The following EDC4 variants were observed in gnomAD, a reference collection of about 807,000 sequenced individuals.
The protein encoded by EDC4 is enhancer of mRNA decapping 4.
In EDC4, 64 loss-of-function variants were observed where a neutral mutation model predicts 155.8. The observed-to-expected ratio is 0.41, with a 90% CI of 0.34 to 0.51. The LOEUF is 0.51. Among genes scored for constraint, EDC4 ranks in the 20% least tolerant of loss-of-function variants. The probability of loss-of-function intolerance (pLI) is 0.19; values close to 1 mark genes in which losing one functional copy is unlikely to be tolerated. For synonymous variants in EDC4, 684 were observed against 716.8 expected (o/e 0.95, Z 0.73); for missense variants, 1,303 against 1,812.5 (o/e 0.72, Z 5.10).
intron 1 of EDC4, 29 bp from the exon 2 acceptor site, chr16:67,875,916 C>G (rs1432700837): frequency 6.2e-7 from 1 of 1,604,034 alleles, no homozygotes; most frequent in Non-Finnish European, 8.5e-7. Context: ...GTCGAGCAAC[C>G]TTATCAGAAT....
rs1479730763 is a variant in EDC4, at chr16:67,881,893, A to G, written c.3004+48A>G. On this transcript the variant is annotated intron_variant, in intron 22 of 28. Transcript: ENST00000358933. The surrounding 1 kb of genome is among the most constrained non-coding windows in gnomAD (Gnocchi z 5.4). ...AACATGGCATAGGGACGGGGGCAGC[A>G]TTCTTGGCCTGGGAAGGAGTACACG... is the stretch of plus-strand genomic sequence containing the variant. The G allele has an allele frequency of 6.2e-7, 1 of 1,604,132 alleles. No homozygotes were observed. Among genetic ancestry groups the G allele is most frequent in the East Asian group, 2.2e-5 (1 of 44,594 alleles).
At position 67,879,791 on chromosome 16, in the gene EDC4, G is replaced by C; in HGVS notation, c.1821+17G>C. The C allele has an allele frequency of 6.2e-7, 1 of 1,613,496 alleles. No homozygotes were observed. Among genetic ancestry groups the C allele is most frequent in the Non-Finnish European group, 8.5e-7 (1 of 1,179,554 alleles). ...TTGCAGCAGGTACTCTCCCAGGGTA[G>C]GGGGACCTGGGAATGCCTCAGCCAC... is the stretch of plus-strand genomic sequence containing the variant. On this transcript the variant is annotated intron_variant, in intron 15 of 28. Transcript: ENST00000358933. This position sits in a 1 kb window ranked among gnomAD's most constrained non-coding sequence, Gnocchi z 6.0.
At position 67,880,200 on chromosome 16, in the gene EDC4, C is replaced by A; in HGVS notation, c.2081C>A (p.Pro694His). 1 of 1,608,816 alleles carries A rather than the reference C, an allele frequency of 6.2e-7. No individual in the cohort carries two copies. The highest frequency in any genetic ancestry group is 8.5e-7 in the Non-Finnish European group (1 of 1,178,364). The change falls in exon 17 of 29, where the codon CCC (proline) becomes CAC (histidine). Residue 694 changes from proline (P) to histidine (H), a missense_variant. Coordinates refer to ENST00000358933, the MANE Select transcript of EDC4 (RefSeq NM_014329.5). This position sits in a 1 kb window ranked among gnomAD's most constrained non-coding sequence, Gnocchi z 5.2. Reference sequence around the variant, plus strand: ...CCAGCCCCAGCTGACAAACTGACTCCCAAGGGGCCGGGCCAGGTGTGTGAC... The same window carrying A: ...CCAGCCCCAGCTGACAAACTGACTCACAAGGGGCCGGGCCAGGTGTGTGAC... ...LLPAPADKLT[P>H]KGPGQVPTAT...
Position 67,878,669 on chromosome 16 carries a change from G to T in EDC4, c.1184+38G>T, listed in dbSNP as rs1180926421. On this transcript the variant is annotated intron_variant, in intron 10 of 28. Transcript: ENST00000358933. The surrounding 1 kb of genome is among the most constrained non-coding windows in gnomAD (Gnocchi z 5.2). ...TGGAAGGCTGGGGGACTGGGCAGGG[G>T]CGGCAGGGTTGGGAATGTAGCTTCC... The T allele has an allele frequency of 1.2e-6, 2 of 1,614,050 alleles. No homozygotes were observed. The highest frequency in any genetic ancestry group is 1.7e-6 in the Non-Finnish European group (2 of 1,180,038).
chr16:67,884,282 G>A lies in EDC4; in HGVS notation c.*134G>A. ...GGGGTGTTTGGGGGTCAGGGAGCAG[G>A]GAGCACTGGCCGTGGTCTACAGCGT... On this transcript the variant is annotated 3_prime_UTR_variant, in exon 29 of 29. Coordinates refer to ENST00000358933, the MANE Select transcript of EDC4 (RefSeq NM_014329.5). This position sits in a 1 kb window ranked among gnomAD's most constrained non-coding sequence, Gnocchi z 4.1. The A allele has an allele frequency of 1.2e-6, 1 of 851,836 alleles. No homozygotes were observed. Among genetic ancestry groups the A allele is most frequent in the Non-Finnish European group, 1.8e-6 (1 of 568,886 alleles). 52.8% of individuals were successfully genotyped at this position (851,836 alleles called of 1,614,324 possible). A position where few individuals can be genotyped will look rare whatever the true frequency, so the allele number is the denominator to read the frequency against.
At chr16:67,875,771 C>A in intron 1 of EDC4, 174 bp from the exon 2 acceptor site, 3 of 1,433,130 alleles carry the variant, frequency 2.1e-6, no homozygotes, top group Non-Finnish European at 2.7e-6. Context: ...TTGGTCCTGC[C>A]TACATCAGTG....
At position 67,877,742 on chromosome 16, in the gene EDC4, C is replaced by T; in HGVS notation, c.791C>T (p.Ala264Val). 1 of 1,614,166 alleles carries T rather than the reference C, an allele frequency of 6.2e-7. No individual in the cohort carries two copies. The highest frequency in any genetic ancestry group is 8.5e-7 in the Non-Finnish European group (1 of 1,180,034). Residue 264 changes from alanine (A) to valine (V), a missense_variant and splice_region_variant, in exon 7 of 29, where the codon GCT becomes GTT. Around this residue, in one of 5 missense-constraint regions of EDC4, gnomAD observed 235 missense variants for 367.7 expected, o/e 0.64. Transcript: ENST00000358933. The surrounding 1 kb of genome is among the most constrained non-coding windows in gnomAD (Gnocchi z 4.9). ...PTVALLHEDR[A>V]EVWDLDMLRS... ...CACTCACCTCCCTGTGCCTTCCAGG[C>T]TGAGGTGTGGGACCTGGACATGCTC...
In EDC4 at chr16:67,882,672, C is replaced by T; in HGVS notation, c.3443-7C>T. On this transcript the variant is annotated splice_region_variant and splice_polypyrimidine_tract_variant and intron_variant, in intron 25 of 28. Coordinates refer to ENST00000358933, the MANE Select transcript of EDC4 (RefSeq NM_014329.5). This position sits in a 1 kb window ranked among gnomAD's most constrained non-coding sequence, Gnocchi z 7.2. ...TTCCTCTTATAGTCCCTGTGGTCAC[C>T]CCTCAGACTTGCAGCAGCTAGAAAG... 6.2e-7 allele frequency: 1 copy of T among 1,614,204 alleles called. No individual in the cohort carries two copies. Among genetic ancestry groups the T allele is most frequent in the Non-Finnish European group, 8.5e-7 (1 of 1,180,048 alleles).
Position 67,873,115 on chromosome 16 carries a change from T to G in EDC4, c.-147T>G. Reference sequence around the variant, plus strand: ...TGGGGTTGGCGGGGCTCAGCGACGCTGCGCGGGTGGCGGTTTGCGAACTGC... The same window carrying G: ...TGGGGTTGGCGGGGCTCAGCGACGCGGCGCGGGTGGCGGTTTGCGAACTGC... On this transcript the variant is annotated 5_prime_UTR_variant, in exon 1 of 29. Transcript: ENST00000358933. The G allele has an allele frequency of 1.8e-6, 1 of 548,456 alleles. No individual in the cohort carries two copies. Among genetic ancestry groups the G allele is most frequent in the Non-Finnish European group, 2.9e-6 (1 of 346,750 alleles). 34.0% of individuals were successfully genotyped at this position (548,456 alleles called of 1,614,324 possible). A position where few individuals can be genotyped will look rare whatever the true frequency, so the allele number is the denominator to read the frequency against.
Position 67,876,860 on chromosome 16 carries a change from C to T in EDC4, c.352-13C>T. On this transcript the variant is annotated splice_polypyrimidine_tract_variant and intron_variant, in intron 3 of 28. Coordinates refer to ENST00000358933, the MANE Select transcript of EDC4 (RefSeq NM_014329.5). The surrounding 1 kb of genome is among the most constrained non-coding windows in gnomAD (Gnocchi z 5.8). ...GGGGAAGTTCCATGACTTTTCTCAC[C>T]CTGGGTTCTCAGGTGAAAATTCAGC... The T allele has an allele frequency of 6.2e-7, 1 of 1,613,320 alleles. No individual in the cohort carries two copies. The highest frequency in any genetic ancestry group is 1.3e-5 in the African/African-American group (1 of 75,050).
In EDC4 at chr16:67,883,338, C is replaced by T. The variant is rs969081011; in HGVS notation, c.3849+161C>T. The T allele has an allele frequency of 1.5e-6, 2 of 1,337,786 alleles. No individual in the cohort carries two copies. Among genetic ancestry groups the T allele is most frequent in the South Asian group, 1.4e-5 (1 of 69,764 alleles). 82.9% of individuals were successfully genotyped at this position (1,337,786 alleles called of 1,614,324 possible). On this transcript the variant is annotated intron_variant, in intron 27 of 28. Transcript: ENST00000358933. The surrounding 1 kb of genome is among the most constrained non-coding windows in gnomAD (Gnocchi z 5.3). ...CCATTGTCCCTGCTGCTTCCTCTTC[C>T]TGGACCCCTTTCTTCCCACCTAGCC...
chr16:67,882,289 A>G lies in EDC4; in HGVS notation c.3238A>G (p.Ser1080Gly), dbSNP rs1329761822. The G allele has an allele frequency of 6.2e-7, 1 of 1,613,186 alleles. No homozygotes were observed. The highest frequency in any genetic ancestry group is 1.1e-5 in the South Asian group (1 of 90,930). ...VATKLTAVEG[S>G]MKENISKLLK... The stretch of plus-strand genomic sequence containing the variant: ...TACCAAGCTCACAGCTGTGGAGGGC[A>G]GCATGAAAGAGAACATCTCCAAGCT... The change falls in exon 24 of 29, where the codon AGC (serine) becomes GGC (glycine). Residue 1080 changes from serine (S) to glycine (G), a missense_variant. Coordinates refer to ENST00000358933, the MANE Select transcript of EDC4 (RefSeq NM_014329.5). This position sits in a 1 kb window ranked among gnomAD's most constrained non-coding sequence, Gnocchi z 7.2.
intron 1 of EDC4, 171 bp from the exon 2 acceptor site, chr16:67,875,774 C>T: frequency 7.0e-7 from 1 of 1,437,620 alleles, no homozygotes; most frequent in South Asian, 1.5e-5. Context: ...GTCCTGCCTA[C>T]ATCAGTGTTT....
Position 67,880,756 on chromosome 16 carries a change from C to T in EDC4, c.2297C>T (p.Pro766Leu). The change falls in exon 18 of 29, where the codon CCA (proline) becomes CTA (leucine). Residue 766 changes from proline (P) to leucine (L), a missense_variant. This residue lies in a region of EDC4 where 391 missense variants were observed against 445.4 expected (regional missense o/e 0.88). Coordinates refer to ENST00000358933, the MANE Select transcript of EDC4 (RefSeq NM_014329.5). This position sits in a 1 kb window ranked among gnomAD's most constrained non-coding sequence, Gnocchi z 5.2. ...TCCTCTGCACCAGAGGGCCTTGAGC[C>T]AGACAGTATGGCTTCAGCCGCCTCG... ...FGSSAPEGLE[P>L]DSMASAASAL... The T allele has an allele frequency of 6.2e-7, 1 of 1,614,186 alleles. No individual in the cohort carries two copies. The highest frequency in any genetic ancestry group is 8.5e-7 in the Non-Finnish European group (1 of 1,180,032).
In EDC4 at chr16:67,882,341, C is replaced by T; in HGVS notation, c.3276+14C>T. On this transcript the variant is annotated intron_variant, in intron 24 of 28. Coordinates refer to ENST00000358933, the MANE Select transcript of EDC4 (RefSeq NM_014329.5). The surrounding 1 kb of genome is among the most constrained non-coding windows in gnomAD (Gnocchi z 7.2). ...CTCAAGTCCAAGGTGCTATAGGGCC[C>T]AAGATGTGGGTGGAGGTGGTGGTTC... The T allele has an allele frequency of 3.7e-6, 6 of 1,613,826 alleles. No homozygotes were observed. Among genetic ancestry groups the T allele is most frequent in the Non-Finnish European group, 5.1e-6 (6 of 1,179,858 alleles).
rs1248138273 is a variant in EDC4, at chr16:67,880,020, A to T, written c.1944-43A>T. 1 of 1,588,686 alleles carries T rather than the reference A, an allele frequency of 6.3e-7. No homozygotes were observed. Among genetic ancestry groups the T allele is most frequent in the East Asian group, 2.2e-5 (1 of 44,532 alleles). On this transcript the variant is annotated intron_variant, in intron 16 of 28. Transcript: ENST00000358933. This position sits in a 1 kb window ranked among gnomAD's most constrained non-coding sequence, Gnocchi z 5.2. ...GGATGGCAGGGGCTGGTACCAGATGATGCCAAGCTCTGGCTGCTGACACCT... is the reference window on the plus strand; with the variant it reads ...GGATGGCAGGGGCTGGTACCAGATGTTGCCAAGCTCTGGCTGCTGACACCT...
chr16:67,880,467 C>T lies in EDC4; in HGVS notation c.2098-90C>T, dbSNP rs1167703299. The T allele has an allele frequency of 1.3e-6, 2 of 1,506,810 alleles. No individual in the cohort carries two copies. Among genetic ancestry groups the T allele is most frequent in the Non-Finnish European group, 9.0e-7 (1 of 1,108,940 alleles). 93.3% of individuals were successfully genotyped at this position (1,506,810 alleles called of 1,614,324 possible). ...CCCACTTCCCTGCTGCCCTGTCTCT[C>T]ATTACTGCTAATACTAATGCCTCGT... On this transcript the variant is annotated intron_variant, in intron 17 of 28. Coordinates refer to ENST00000358933, the MANE Select transcript of EDC4 (RefSeq NM_014329.5). The surrounding 1 kb of genome is among the most constrained non-coding windows in gnomAD (Gnocchi z 5.2).
In EDC4 at chr16:67,882,880, T is replaced by C; in HGVS notation, c.3629+15T>C. The C allele has an allele frequency of 6.2e-7, 1 of 1,614,014 alleles. No individual in the cohort carries two copies. Among genetic ancestry groups the C allele is most frequent in the African/African-American group, 1.3e-5 (1 of 75,022 alleles). ...GCTGTGGGCAGGTGTGTGGGCAGAG[T>C]ACTGGGCAAGGTGGTGGGCTTGAGA... is the stretch of plus-strand genomic sequence containing the variant. On this transcript the variant is annotated intron_variant, in intron 26 of 28. Coordinates refer to ENST00000358933, the MANE Select transcript of EDC4 (RefSeq NM_014329.5). The surrounding 1 kb of genome is among the most constrained non-coding windows in gnomAD (Gnocchi z 7.2).
At position 67,877,660 on chromosome 16, in the gene EDC4, AG is replaced by A; in HGVS notation, c.789+9del. 1 of 1,614,066 alleles carries A rather than the reference AG, an allele frequency of 6.2e-7. No homozygotes were observed. Among genetic ancestry groups the A allele is most frequent in the South Asian group, 1.1e-5 (1 of 91,084 alleles). On this transcript the variant is annotated splice_donor_5th_base_variant and intron_variant, in intron 6 of 28. Coordinates refer to ENST00000358933, the MANE Select transcript of EDC4 (RefSeq NM_014329.5). The surrounding 1 kb of genome is among the most constrained non-coding windows in gnomAD (Gnocchi z 4.9). ...GGCCCTGCTGCATGAAGACCGGGTG[AG>A]GGGGCTGACATGGCGAAGAGGCGCC...
Sources: allele counts gnomAD v4.1 joint callset, GRCh38; gene constraint gnomAD v4.1.1; regional missense constraint gnomAD v4.1.1; non-coding constraint Gnocchi (gnomAD v3.1); transcripts MANE v1.5; gene names NCBI Gene and HGNC (gene_info 2026-07-23, HGNC 2026-07-21).